The following ADAM32 variants were observed in gnomAD, a reference collection of about 807,000 sequenced individuals.
ADAM32 encodes ADAM metallopeptidase domain 32.
A neutral mutation model predicts 114.9 loss-of-function variants in ADAM32; 89 were observed. The observed-to-expected ratio is 0.77, with a 90% CI of 0.65 to 0.92. The LOEUF is 0.92. ADAM32 is among the 40% of genes least tolerant of loss of function. The pLI is 0.00. For missense variants in ADAM32, 870 were observed against 932.8 expected (o/e 0.93, Z 0.88); for synonymous variants, 285 against 307.5 (o/e 0.93, Z 0.77).
Position 39,143,244 on chromosome 8 carries a change from C to T in ADAM32, c.201-3886C>T, listed in dbSNP as rs1803286814. Reference sequence around the variant, plus strand: ...AACTCATTCTCCGTCCAATTTTGTTCCCTGGCTGGCGAGGAGCTGTTATTC... The same window carrying T: ...AACTCATTCTCCGTCCAATTTTGTTTCCTGGCTGGCGAGGAGCTGTTATTC... On this transcript the variant is annotated intron_variant, in intron 3 of 24. Coordinates refer to ENST00000379907, the MANE Select transcript of ADAM32 (RefSeq NM_145004.7). Among the ~76,000 whole-genome samples, 6 of 152,296 alleles carry T rather than the reference C, an allele frequency of 3.9e-5. No individual in the cohort carries two copies. The South Asian group carries it at 1.2e-3, about 32-fold the overall frequency.
chr8:39,277,780 G>A (rs1378287795), intron 22 of ADAM32, among the ~76,000 whole-genome samples: 1 of 152,242 alleles, frequency 6.6e-6, no homozygotes, highest in Non-Finnish European at 1.5e-5. Flanking sequence ...CTCTGTGCAG[G>A]CCCTGCAGCG....
At chr8:39,197,224 A>AT (rs1288445885) in intron 11 of ADAM32, among the ~76,000 whole-genome samples, 16 of 151,518 alleles carry the variant, frequency 1.1e-4, no homozygotes, top group African/African-American at 3.6e-4. Flanking sequence ...GTCTTTACTC[A>AT]TTTTTTCTTG....
At chr8:39,131,115 C>T (rs1348478727) in intron 2 of ADAM32, among the ~76,000 whole-genome samples, 1 of 151,972 alleles carries the variant, frequency 6.6e-6, no homozygotes, top group Non-Finnish European at 1.5e-5. Flanking sequence ...CGCCACCACG[C>T]CCAGCTAATT....
intron 2 of ADAM32, among the ~76,000 whole-genome samples, chr8:39,125,615 T>A (rs1292346991): frequency 6.6e-6 from 1 of 152,218 alleles, no homozygotes; most frequent in Non-Finnish European, 1.5e-5. Flanking sequence ...TTTCTCCCAT[T>A]CTGTAGGTTG....
intron 6 of ADAM32, among the ~76,000 whole-genome samples, chr8:39,154,184 C>T (rs1387294261): frequency 5.3e-5 from 8 of 151,896 alleles, no homozygotes; most frequent in African/African-American, 1.9e-4. Flanking sequence ...TGCTATCCCT[C>T]CCCTACCCCC....
At chr8:39,212,309 T>C (rs1306460690) in intron 12 of ADAM32, among the ~76,000 whole-genome samples, 1 of 152,128 alleles carries the variant, frequency 6.6e-6, no homozygotes, top group Non-Finnish European at 1.5e-5. Flanking sequence ...CTACCACACC[T>C]GGTTCTTGAT....
intron 17 of ADAM32, 85 bp from the exon 18 acceptor site, chr8:39,254,329 A>G (rs1012853940): frequency 1.7e-6 from 2 of 1,151,470 alleles, no homozygotes; most frequent in Admixed American, 5.1e-5. Flanking sequence ...ATTACACTAG[A>G]TTATGGTACA....
At chr8:39,278,206 C>T (rs1176291884) in intron 22 of ADAM32, among the ~76,000 whole-genome samples, 2 of 152,150 alleles carry the variant, frequency 1.3e-5, no homozygotes, top group Non-Finnish European at 2.9e-5. Context: ...TCTCCGACAT[C>T]CAGCCATAGT....
intron 11 of ADAM32, among the ~76,000 whole-genome samples, chr8:39,192,700 G>A (rs556970069): frequency 1.3e-4 from 20 of 152,194 alleles, no homozygotes; most frequent in Non-Finnish European, 2.6e-4. Context: ...CTCTTGTAAG[G>A]CACATCTGAT....
At chr8:39,119,477 AT>A (rs774652003) in intron 2 of ADAM32, among the ~76,000 whole-genome samples, 2 of 152,102 alleles carry the variant, frequency 1.3e-5, no homozygotes, top group East Asian at 3.8e-4. Context: ...TATGCTGAGT[AT>A]TTTTCATGAG....
chr8:39,175,581 G>T (rs1805475184), intron 10 of ADAM32, among the ~76,000 whole-genome samples: 1 of 152,136 alleles, frequency 6.6e-6, no homozygotes, highest in Non-Finnish European at 1.5e-5. Flanking sequence ...CAGTTTGCCA[G>T]TATTTTATTG....
intron 12 of ADAM32, among the ~76,000 whole-genome samples, chr8:39,214,339 A>G (rs1402551625): frequency 1.3e-5 from 2 of 152,150 alleles, no homozygotes; most frequent in South Asian, 2.1e-4. Flanking sequence ...CCATATCTTC[A>G]CTAGCATTTG....
At chr8:39,214,293 T>G (rs1054987864) in intron 12 of ADAM32, among the ~76,000 whole-genome samples, 1 of 152,126 alleles carries the variant, frequency 6.6e-6, no homozygotes, top group Admixed American at 6.5e-5. Context: ...TACTAATTTA[T>G]ACTCCCACCA....
chr8:39,113,163 G>A (rs576197397), intron 1 of ADAM32, among the ~76,000 whole-genome samples: 8 of 152,258 alleles, frequency 5.3e-5, no homozygotes, highest in African/African-American at 1.2e-4. Flanking sequence ...AGACTAGGAC[G>A]ATAAGAGGAT....
chr8:39,146,990 T>C, intron 3 of ADAM32, 140 bp from the exon 4 acceptor site: 1 of 294,276 alleles, frequency 3.4e-6, no homozygotes, highest in East Asian at 9.4e-5. Context: ...TGTGGGTGAA[T>C]GGGTATGGCT....
At chr8:39,233,844 C>T (rs1013946507) in intron 15 of ADAM32, 55 bp from the exon 16 acceptor site, 13 of 1,151,762 alleles carry the variant, frequency 1.1e-5, no homozygotes, top group African/African-American at 1.6e-5. Context: ...AAATCCAAAG[C>T]ATTCCTAATA....
intron 2 of ADAM32, among the ~76,000 whole-genome samples, chr8:39,132,609 T>C (rs150389680): frequency 8.3e-4 from 127 of 152,336 alleles, no homozygotes; most frequent in African/African-American, 2.8e-3. Flanking sequence ...ACTCACACAT[T>C]TACCATTTCT....
chr8:39,201,133 T>G (rs1392079182), intron 11 of ADAM32, among the ~76,000 whole-genome samples: 1 of 152,216 alleles, frequency 6.6e-6, no homozygotes, highest in African/African-American at 2.4e-5. Context: ...ATATGAACTT[T>G]AAAGTAGTTT....
chr8:39,236,120 A>G (rs7840897), intron 16 of ADAM32, among the ~76,000 whole-genome samples: 5,824 of 152,290 alleles, frequency 0.038, 388 homozygotes, highest in African/African-American at 0.13. Context: ...ATTATACTTT[A>G]AAGTTAGAAG....
Sources: gnomAD v4.1 joint callset for allele counts (sites outside exome capture counted in the v4.1 genomes callset) on GRCh38, gnomAD v4.1.1 for gene constraint, MANE v1.5 for transcripts, NCBI Gene and HGNC (gene_info 2026-07-23, HGNC 2026-07-21) for gene names.